The following PROSER2 variants were observed in gnomAD, a reference collection of about 807,000 sequenced individuals.
PROSER2 encodes proline and serine-rich protein 2.
PROSER2 carries 18 observed loss-of-function variants against 14.6 expected under a neutral mutation model. That is an observed-to-expected ratio of 1.23 (90% confidence interval 0.85 to 1.83). The LOEUF is 1.83. PROSER2 is among the 40% of genes most tolerant of loss of function. PROSER2 has a pLI of 0.00. For missense variants in PROSER2, 823 were observed against 629.8 expected (o/e 1.31, Z -3.28); for synonymous variants, 367 against 286.4 (o/e 1.28, Z -2.84).
Position 11,826,926 on chromosome 10 carries a change from C to T in PROSER2, c.-82+3456C>T, listed in dbSNP as rs1489054209. Among the ~76,000 whole-genome samples, 3 of 141,058 alleles carry T rather than the reference C, an allele frequency of 2.1e-5. No individual in the cohort carries two copies. In the South Asian group the frequency reaches 7.1e-4, roughly 34 times the overall value. The allele number at this position is 141,058 out of a possible 152,430, so 92.5% of individuals were successfully genotyped here. ...CTGACATAGGATTTCACTGTGTTGC[C>T]CAGGCTGGAGTGCAGTGGCACGATC... On this transcript the variant is annotated intron_variant, in intron 1 of 3. Coordinates refer to ENST00000277570, the MANE Select transcript of PROSER2 (RefSeq NM_153256.4).
At chr10:11,843,066 G>A (rs541169506) in intron 1 of PROSER2, among the ~76,000 whole-genome samples, 6 of 148,254 alleles carry the variant, frequency 4.0e-5, no homozygotes, top group East Asian at 2.0e-4. Context: ...TCAGCCTCCC[G>A]AGTAGCTGGG....
intron 1 of PROSER2, among the ~76,000 whole-genome samples, chr10:11,844,823 T>G (rs1833900540): frequency 6.6e-6 from 1 of 152,170 alleles, no homozygotes; most frequent in Non-Finnish European, 1.5e-5. Flanking sequence ...GGTTTCACCA[T>G]GTTGGCCAGG....
In PROSER2 at chr10:11,870,389, C is replaced by G. The variant is rs1834460672; in HGVS notation, c.1291C>G (p.Leu431Val). 2 of 1,503,154 alleles carry G rather than the reference C, an allele frequency of 1.3e-6. No homozygotes were observed. The highest frequency in any genetic ancestry group is 2.3e-5 in the Admixed American group (1 of 42,758). The allele number at this position is 1,503,154 out of a possible 1,614,324, so 93.1% of individuals were successfully genotyped here. ...RREALRKLGL[L>V]RESS ...GGAGGCCCTGCGGAAGCTGGGGCTG[C>G]TCAGGGAGAGTTCGTGAGGGCCGCG... Residue 431 changes from leucine (L) to valine (V), a missense_variant, in exon 4 of 4, where the codon CTC becomes GTC. Coordinates refer to ENST00000277570, the MANE Select transcript of PROSER2 (RefSeq NM_153256.4).
rs1047869413 is a variant in PROSER2, at chr10:11,869,607, C to T, written c.509C>T (p.Pro170Leu). 6.2e-7 allele frequency: 1 copy of T among 1,604,892 alleles called. No individual in the cohort carries two copies. Among genetic ancestry groups the T allele is most frequent in the South Asian group, 1.1e-5 (1 of 90,400 alleles). ...CCACCCCTGCCTAGCACCCCCGATC[C>T]CCCCAGGAGGGAGCTGCGCGCCCCC... is the stretch of plus-strand genomic sequence containing the variant. ...APPPLPSTPD[P>L]PRRELRAPSP... is the part of the protein sequence containing the mutation. The change falls in exon 4 of 4, where the codon CCC (proline) becomes CTC (leucine). Residue 170 changes from proline to leucine, a missense_variant. Pro to Leu is a moderately conservative substitution (Grantham distance 98). Transcript: ENST00000277570. The surrounding 1 kb of genome is among the most constrained non-coding windows in gnomAD (Gnocchi z 4.4).
intron 1 of PROSER2, among the ~76,000 whole-genome samples, chr10:11,829,714 C>G (rs938103785): frequency 6.6e-6 from 1 of 152,046 alleles, no homozygotes; most frequent in African/African-American, 2.4e-5. Flanking sequence ...ACCAGGTAAC[C>G]AATGAATTTG....
chr10:11,835,428 C>G (rs1403185462), intron 1 of PROSER2, among the ~76,000 whole-genome samples: 2 of 152,076 alleles, frequency 1.3e-5, no homozygotes, highest in Non-Finnish European at 2.9e-5. Context: ...CGAAAGTAGT[C>G]TATAAATTAC....
chr10:11,860,404 C>T (rs993000095), intron 2 of PROSER2, among the ~76,000 whole-genome samples: 1 of 151,904 alleles, frequency 6.6e-6, no homozygotes, highest in Non-Finnish European at 1.5e-5. Context: ...ATCACGAGGT[C>T]AGGAGTTCGA....
intron 1 of PROSER2, among the ~76,000 whole-genome samples, chr10:11,826,254 G>A (rs1833611348): frequency 6.6e-6 from 1 of 152,078 alleles, no homozygotes; most frequent in East Asian, 1.9e-4. Context: ...TGGACAGATC[G>A]CATTCTATTT....
At chr10:11,844,973 A>C (rs562893007) in intron 1 of PROSER2, among the ~76,000 whole-genome samples, 1 of 152,306 alleles carries the variant, frequency 6.6e-6, no homozygotes, top group Non-Finnish European at 1.5e-5. Flanking sequence ...GATGTACTCT[A>C]TTTAACCAGC....
Position 11,836,724 on chromosome 10 carries a change from C to T in PROSER2, c.-82+13254C>T, listed in dbSNP as rs1408436931. 2.0e-5 allele frequency among the ~76,000 whole-genome samples: 3 copies of T among 152,114 alleles called. No homozygotes were observed. Among genetic ancestry groups the T allele is most frequent in the Admixed American group, 1.3e-4 (2 of 15,258 alleles). On this transcript the variant is annotated intron_variant, in intron 1 of 3. Coordinates refer to ENST00000277570, the MANE Select transcript of PROSER2 (RefSeq NM_153256.4). This position sits in a 1 kb window ranked among gnomAD's most constrained non-coding sequence, Gnocchi z 4.6. ...AAGCTCATTTCTACCTCTTTCCCAGCTCAACTGTGCTTGTCTTGACTGTAT... is the reference window on the plus strand; with the variant it reads ...AAGCTCATTTCTACCTCTTTCCCAGTTCAACTGTGCTTGTCTTGACTGTAT...
At chr10:11,857,957 G>A (rs1251952059) in intron 2 of PROSER2, among the ~76,000 whole-genome samples, 1 of 151,848 alleles carries the variant, frequency 6.6e-6, no homozygotes, top group Non-Finnish European at 1.5e-5. Context: ...CCCCCAAGAT[G>A]GAGTCTTGCT....
Position 11,870,211 on chromosome 10 carries a change from C to T in PROSER2, c.1113C>T (p.Gly371=). 7 of 1,489,442 alleles carry T rather than the reference C, an allele frequency of 4.7e-6. No homozygotes were observed. Among genetic ancestry groups the T allele is most frequent in the Non-Finnish European group, 6.2e-6 (7 of 1,126,846 alleles). 92.3% of individuals were successfully genotyped at this position (1,489,442 alleles called of 1,614,324 possible). A position where few individuals can be genotyped will look rare whatever the true frequency, so the allele number is the denominator to read the frequency against. ...GGAAGTCCCTCTGCTTCCGCCCTGG[C>T]CCGGCCCTGCCCAGCACGCGGGCCC... The part of the protein sequence containing the change: ...PAGKSLCFRP[G]PALPSTRARQ... Residue 371 remains glycine, a synonymous_variant, in exon 4 of 4, where the codon GGC becomes GGT. Coordinates refer to ENST00000277570, the MANE Select transcript of PROSER2 (RefSeq NM_153256.4).
chr10:11,854,769 A>G, intron 2 of PROSER2, among the ~76,000 whole-genome samples: 1 of 152,142 alleles, frequency 6.6e-6, no homozygotes, highest in African/African-American at 2.4e-5. Flanking sequence ...GTCACATGAC[A>G]CTTGATTTTC....
At position 11,871,390 on chromosome 10, in the gene PROSER2, T is replaced by TTAAAG. The variant is rs1223513655; in HGVS notation, c.*988_*992dup. The TTAAAG allele has an allele frequency of 2.0e-5, 3 of 152,330 alleles. No homozygotes were observed. The highest frequency in any genetic ancestry group is 1.9e-4 in the East Asian group (1 of 5,192). The allele number at this position is 152,330 out of a possible 1,614,324, so 9.4% of individuals were successfully genotyped here. ...CAACAAAATGTTCCTCTGTTCCCAGTTAAAGTAATATTCCCTGCTTCCAAG... is the reference window on the plus strand; with the variant it reads ...CAACAAAATGTTCCTCTGTTCCCAGTTAAAGTAAAGTAATATTCCCTGCTTCCAAG... On this transcript the variant is annotated 3_prime_UTR_variant, in exon 4 of 4. Coordinates refer to ENST00000277570, the MANE Select transcript of PROSER2 (RefSeq NM_153256.4).
In PROSER2 at chr10:11,865,288, T is replaced by C. The variant is rs990967143; in HGVS notation, c.139-1243T>C. Among the ~76,000 whole-genome samples the C allele has an allele frequency of 4.6e-5, 7 of 152,222 alleles. No individual in the cohort carries two copies. Among genetic ancestry groups the C allele is most frequent in the African/African-American group, 1.7e-4 (7 of 41,460 alleles). ...TTTTTTGTGCTGTTAGTATTTTTTATTTATTTCTAAGTCTTCTTTTGTCCT... is the reference window on the plus strand; with the variant it reads ...TTTTTTGTGCTGTTAGTATTTTTTACTTATTTCTAAGTCTTCTTTTGTCCT... On this transcript the variant is annotated intron_variant, in intron 2 of 3. Coordinates refer to ENST00000277570, the MANE Select transcript of PROSER2 (RefSeq NM_153256.4). This position sits in a 1 kb window ranked among gnomAD's most constrained non-coding sequence, Gnocchi z 4.2.
chr10:11,847,032 G>A (rs1046448526), intron 1 of PROSER2, among the ~76,000 whole-genome samples: 9 of 151,682 alleles, frequency 5.9e-5, no homozygotes, highest in African/African-American at 2.2e-4. Context: ...GGTTACAGGC[G>A]TGAGCCACCA....
chr10:11,858,592 A>C (rs1588496144), intron 2 of PROSER2, among the ~76,000 whole-genome samples: 1 of 152,332 alleles, frequency 6.6e-6, no homozygotes, highest in African/African-American at 2.4e-5. Flanking sequence ...AATGCACTAG[A>C]AATTCTCTCT....
rs971605618 is a variant in PROSER2, at chr10:11,871,887, A to G, written c.*1481A>G. The G allele has an allele frequency of 3.3e-5, 5 of 152,234 alleles. No individual in the cohort carries two copies. Among genetic ancestry groups the G allele is most frequent in the African/African-American group, 1.2e-4 (5 of 41,452 alleles). 9.4% of individuals were successfully genotyped at this position (152,234 alleles called of 1,614,324 possible). A position where few individuals can be genotyped will look rare whatever the true frequency, so the allele number is the denominator to read the frequency against. ...CCTTGTAAGTTATATAAAGTGCATG[A>G]TTATAATTTTTTCCTTAGAAATGCA... is the stretch of plus-strand genomic sequence containing the variant. On this transcript the variant is annotated 3_prime_UTR_variant, in exon 4 of 4. Coordinates refer to ENST00000277570, the MANE Select transcript of PROSER2 (RefSeq NM_153256.4).
intron 2 of PROSER2, among the ~76,000 whole-genome samples, chr10:11,860,698 C>T (rs1041641234): frequency 1.3e-5 from 2 of 152,026 alleles, no homozygotes; most frequent in Non-Finnish European, 2.9e-5. Flanking sequence ...AGACCGTGAG[C>T]CGAGGAACTC....
Sources: gnomAD v4.1 joint callset for allele counts (sites outside exome capture counted in the v4.1 genomes callset) on GRCh38, gnomAD v4.1.1 for gene constraint, Gnocchi (gnomAD v3.1) non-coding constraint, MANE v1.5 for transcripts, NCBI Gene and HGNC (gene_info 2026-07-23, HGNC 2026-07-21) for gene names.